CSF2: variants seen among roughly 807,000 people sequenced by gnomAD.
CSF2 encodes colony stimulating factor 2.
Under a neutral mutation model 13.5 loss-of-function variants are expected in CSF2, and 2 were observed. The ratio of observed to expected loss-of-function variants is 0.15; its 90% CI spans 0.06 to 0.47. The LOEUF is 0.47. Among genes scored for constraint, CSF2 ranks in the 20% least tolerant of loss-of-function variants. The probability of loss-of-function intolerance (pLI) is 0.97; values close to 1 mark genes in which losing one functional copy is unlikely to be tolerated. For synonymous variants in CSF2, 66 were observed against 69.2 expected, an observed-to-expected ratio of 0.95 and a Z score of 0.23; for missense variants, 141 against 179.7, an observed-to-expected ratio of 0.78 and a Z score of 1.23.
chr5:132,075,597 CACCTG>C, intron 3 of CSF2, 143 bp from the exon 4 acceptor site: 1 of 653,350 alleles, frequency 1.5e-6, no homozygotes, highest in Non-Finnish European at 2.7e-6. Flanking sequence ...GCAGCAGCGT[CACCTG>C]ACCCAGGTCA....
rs1756699914 is a variant in CSF2 at position 132,075,962 on chromosome 5, G to A, written c.*110G>A. On this transcript the variant is annotated 3_prime_UTR_variant, in exon 4 of 4. Coordinates refer to ENST00000296871, the MANE Select transcript of CSF2 (RefSeq NM_000758.4). ...GACCAAGGGGTGGGCCACAGCCATG[G>A]TGGGAGTGGCCTGGACCTGCCCTGG... is the stretch of plus-strand genomic sequence containing the variant. 4 of 895,112 alleles carry A rather than the reference G, an allele frequency of 4.5e-6. No individual in the cohort carries two copies. Among genetic ancestry groups the A allele is most frequent in the Non-Finnish European group, 7.4e-6 (4 of 543,268 alleles). 55.4% of individuals were successfully genotyped at this position (895,112 alleles called of 1,614,324 possible).
intron 3 of CSF2, among the ~76,000 whole-genome samples, chr5:132,075,157 T>A (rs1292607762): frequency 3.9e-5 from 6 of 152,380 alleles, no homozygotes; most frequent in Admixed American, 6.5e-5. Context: ...CAGCAGGAGC[T>A]GCTCCTATCC....
chr5:132,074,947 C>A lies in CSF2; in HGVS notation c.327+12C>A, dbSNP rs376963100. ...GCCCTCCAACCCCGGTGAGTGCCTA[C>A]GGCAGGGCCTCCAGCAGGAATGTCT... On this transcript the variant is annotated intron_variant, in intron 3 of 3. Transcript: ENST00000296871. 1 of 1,613,142 alleles carries A rather than the reference C, an allele frequency of 6.2e-7. No homozygotes were observed. Among genetic ancestry groups the A allele is most frequent in the East Asian group, 2.2e-5 (1 of 44,892 alleles).
In CSF2 at chr5:132,075,953, A is replaced by ACTCC; in HGVS notation, c.*102_*103insTCCC. On this transcript the variant is annotated 3_prime_UTR_variant, in exon 4 of 4. Coordinates refer to ENST00000296871, the MANE Select transcript of CSF2 (RefSeq NM_000758.4). ...TCTTGGAGGGACCAAGGGGTGGGCC[A>ACTCC]CAGCCATGGTGGGAGTGGCCTGGAC... The ACTCC allele has an allele frequency of 8.2e-6, 8 of 977,390 alleles. No homozygotes were observed. Among genetic ancestry groups the ACTCC allele is most frequent in the African/African-American group, 1.6e-5 (1 of 62,808 alleles). The allele number at this position is 977,390 out of a possible 1,614,324, so 60.5% of individuals were successfully genotyped here.
chr5:132,075,445 C>T (rs25881), intron 3 of CSF2, among the ~76,000 whole-genome samples: 32,866 of 152,216 alleles, frequency 0.22, 4,165 homozygotes, highest in East Asian at 0.61. Context: ...CGACCTCAGC[C>T]CAGCTGCCCT....
chr5:132,074,718 G>T (rs943999598), intron 2 of CSF2, 92 bp from the exon 3 acceptor site: 12 of 1,600,682 alleles, frequency 7.5e-6, no homozygotes, highest in Non-Finnish European at 9.4e-6. Context: ...ACTCCTGGGG[G>T]CTGGGGGCAG....
At position 132,073,795 on chromosome 5, in the gene CSF2, C is replaced by G. The variant is rs185543647; in HGVS notation, c.-29C>G. 5.6e-6 allele frequency: 9 copies of G among 1,611,352 alleles called. No individual in the cohort carries two copies. The Admixed American group carries it at 1.2e-4, about 21-fold the overall frequency. On this transcript the variant is annotated 5_prime_UTR_variant, in exon 1 of 4. Coordinates refer to ENST00000296871, the MANE Select transcript of CSF2 (RefSeq NM_000758.4). ...CTCTTTTGCCAGTGAGCCCAGTACA[C>G]AGAGAGAAAGGCTAAAGTTCTCTGG...
chr5:132,074,641 G>C (rs1207646058), intron 2 of CSF2, among the ~76,000 whole-genome samples, 169 bp from the exon 3 acceptor site: 1 of 152,144 alleles, frequency 6.6e-6, no homozygotes. Context: ...GAGAAGGGCA[G>C]GTTCGTGCCT....
At position 132,075,767 on chromosome 5, in the gene CSF2, T is replaced by C. The variant is rs25882; in HGVS notation, c.350T>C (p.Ile117Thr). Residue 117 changes from isoleucine to threonine, a missense_variant, in exon 4 of 4, where the codon ATT (isoleucine) becomes ACT (threonine). By Grantham distance (89) the Ile-to-Thr change is moderately conservative. Transcript: ENST00000296871. The stretch of plus-strand genomic sequence containing the variant: ...AAGGAAACTTCCTGTGCAACCCAGA[T>C]TATCACCTTTGAAAGTTTCAAAGAG... ...PTPETSCATQ[I>T]ITFESFKENL... 0.23 allele frequency: 371,461 copies of C among 1,607,090 alleles called. 47,794 individuals are homozygous for C. Among genetic ancestry groups the C allele is most frequent in the East Asian group, 0.6 (26,754 of 44,812 alleles).
chr5:132,074,655 A>G (rs1021064763), intron 2 of CSF2, among the ~76,000 whole-genome samples, 155 bp from the exon 3 acceptor site: 4 of 152,182 alleles, frequency 2.6e-5, no homozygotes, highest in African/African-American at 9.7e-5. Flanking sequence ...CGTGCCTGCC[A>G]TGGACAGGGC....
Position 132,075,759 on chromosome 5 carries a change from A to T in CSF2, c.342A>T (p.Ala114=). ...HCPPTPETSC[A]TQIITFESFK... ...TTTTTTTAAAGGAAACTTCCTGTGCAACCCAGATTATCACCTTTGAAAGTT... is the reference window on the plus strand; with the variant it reads ...TTTTTTTAAAGGAAACTTCCTGTGCTACCCAGATTATCACCTTTGAAAGTT... The change falls in exon 4 of 4, where the codon GCA becomes GCT. Residue 114 remains alanine (A), a synonymous_variant. Coordinates refer to ENST00000296871, the MANE Select transcript of CSF2 (RefSeq NM_000758.4). 1.2e-6 allele frequency: 2 copies of T among 1,609,022 alleles called. No homozygotes were observed. Among genetic ancestry groups the T allele is most frequent in the Non-Finnish European group, 1.7e-6 (2 of 1,179,630 alleles).
chr5:132,074,988 G>A, intron 3 of CSF2, 53 bp downstream of exon 3: 1 of 1,611,466 alleles, frequency 6.2e-7, no homozygotes, highest in East Asian at 2.2e-5. Context: ...TAGGGGGTGG[G>A]GTCGACATGG....
At position 132,075,910 on chromosome 5, in the gene CSF2, A is replaced by G; in HGVS notation, c.*58A>G. The G allele has an allele frequency of 7.3e-7, 1 of 1,363,242 alleles. No homozygotes were observed. The highest frequency in any genetic ancestry group is 1.0e-6 in the Non-Finnish European group (1 of 963,662). The allele number at this position is 1,363,242 out of a possible 1,614,324, so 84.4% of individuals were successfully genotyped here. A position where few individuals can be genotyped will look rare whatever the true frequency, so the allele number is the denominator to read the frequency against. On this transcript the variant is annotated 3_prime_UTR_variant, in exon 4 of 4. Coordinates refer to ENST00000296871, the MANE Select transcript of CSF2 (RefSeq NM_000758.4). ...GCTGCTCTCTCATGAAACAAGAGCT[A>G]GAAACTCAGGATGGTCATCTTGGAG...
chr5:132,074,796 G>C lies in CSF2; in HGVS notation c.202-14G>C, dbSNP rs750353396. The C allele has an allele frequency of 3.7e-6, 6 of 1,613,700 alleles. No homozygotes were observed. The highest frequency in any genetic ancestry group is 4.5e-5 in the East Asian group (2 of 44,882). On this transcript the variant is annotated splice_polypyrimidine_tract_variant and intron_variant, in intron 2 of 3. Transcript: ENST00000296871. ...ACTTGGCCACTGCTCACCGACGAAC[G>C]ACATTTTCCACAGGAGCCGACCTGC...
intron 2 of CSF2, among the ~76,000 whole-genome samples, chr5:132,074,369 G>C (rs1756673329): frequency 6.6e-6 from 1 of 152,212 alleles, no homozygotes; most frequent in African/African-American, 2.4e-5. Context: ...GAGTCACCAG[G>C]GGACAGGTGG....
At chr5:132,075,069 C>G (rs1756685314) in intron 3 of CSF2, 134 bp downstream of exon 3, 1 of 1,383,900 alleles carries the variant, frequency 7.2e-7, no homozygotes, top group African/African-American at 1.4e-5. Flanking sequence ...TAATGATTAG[C>G]CCTCCAGAGA....
chr5:132,074,246 G>A (rs932343718), intron 2 of CSF2, 124 bp downstream of exon 2: 4 of 1,139,848 alleles, frequency 3.5e-6, no homozygotes, highest in Non-Finnish European at 5.2e-6. Flanking sequence ...GGCTGCAGGA[G>A]GAGGGGGTAG....
rs1756703260 is a variant in CSF2 at position 132,076,151 on chromosome 5, T to A, written c.*299T>A. ...GATGTTTTACCGTAATAATTATTAT[T>A]AAAAATATGCTTCTACTTGTCCAGT... On this transcript the variant is annotated 3_prime_UTR_variant, in exon 4 of 4. Coordinates refer to ENST00000296871, the MANE Select transcript of CSF2 (RefSeq NM_000758.4). The A allele has an allele frequency of 6.5e-6, 1 of 154,148 alleles. No homozygotes were observed. Among genetic ancestry groups the A allele is most frequent in the South Asian group, 2.1e-4 (1 of 4,868 alleles). 9.5% of individuals were successfully genotyped at this position (154,148 alleles called of 1,614,324 possible). A position where few individuals can be genotyped will look rare whatever the true frequency, so the allele number is the denominator to read the frequency against.
rs754565831 is a variant in CSF2, at chr5:132,074,927, C to T, written c.319C>T (p.Pro107Ser). Residue 107 changes from proline (P) to serine (S), a missense_variant, in exon 3 of 4, where the codon CCA (proline) becomes TCA (serine). Pro to Ser is a moderately conservative substitution (Grantham distance 74, BLOSUM62 -1). Transcript: ENST00000296871. ...MASHYKQHCP[P>S]TPETSCATQI... is the part of the protein sequence containing the mutation. ...CAGCCACTACAAGCAGCACTGCCCT[C>T]CAACCCCGGTGAGTGCCTACGGCAG... 1.2e-6 allele frequency: 2 copies of T among 1,613,550 alleles called. No homozygotes were observed. The highest frequency in any genetic ancestry group is 1.7e-6 in the Non-Finnish European group (2 of 1,180,028).
Sources: gnomAD v4.1 joint callset for allele counts (sites outside exome capture counted in the v4.1 genomes callset) on GRCh38, gnomAD v4.1.1 for gene constraint, MANE v1.5 for transcripts, NCBI Gene and HGNC (gene_info 2026-07-23, HGNC 2026-07-21) for gene names.